Variants in TMEM248 observed in about 807,000 individuals in gnomAD.
The protein encoded by TMEM248 is UPF0458 protein C7orf42.
TMEM248 carries 9 observed loss-of-function variants against 30.3 expected under a neutral mutation model. The ratio of observed to expected loss-of-function variants is 0.30; its 90% CI spans 0.18 to 0.52. The LOEUF is 0.52. Ranked by LOEUF, TMEM248 falls within the 20% of genes least tolerant of loss-of-function variation. The pLI is 0.97. For missense variants in TMEM248, 338 were observed against 403.3 expected, an observed-to-expected ratio of 0.84 and a Z score of 1.39; for synonymous variants, 184 against 154.4, an observed-to-expected ratio of 1.19 and a Z score of -1.42.
At chr7:66,949,541 T>C (rs1467228621) in intron 4 of TMEM248, among the ~76,000 whole-genome samples, 1 of 152,206 alleles carries the variant, frequency 6.6e-6, no homozygotes, top group Non-Finnish European at 1.5e-5. Flanking sequence ...TATTTTAAAA[T>C]CGTTGATTTT....
Position 66,955,622 on chromosome 7 carries a change from C to A in TMEM248, c.*100C>A. The A allele has an allele frequency of 7.2e-7, 1 of 1,396,534 alleles. No homozygotes were observed. Among genetic ancestry groups the A allele is most frequent in the South Asian group, 1.2e-5 (1 of 81,804 alleles). 86.5% of individuals were successfully genotyped at this position (1,396,534 alleles called of 1,614,324 possible). On this transcript the variant is annotated 3_prime_UTR_variant, in exon 7 of 7. Transcript: ENST00000341567. ...GATGCTCTGTGAATACATTATCTTG[C>A]GATGTTGGGTTATTCCAGCCAAAGA...
At chr7:66,925,386 C>G (rs190354390) in intron 1 of TMEM248, among the ~76,000 whole-genome samples, 24 of 152,310 alleles carry the variant, frequency 1.6e-4, no homozygotes, top group Admixed American at 1.0e-3. Flanking sequence ...TTCCTTTTCT[C>G]TAACGGACTT....
intron 2 of TMEM248, 42 bp from the exon 3 acceptor site, chr7:66,944,934 C>A: frequency 6.2e-7 from 1 of 1,603,438 alleles, no homozygotes; most frequent in Non-Finnish European, 8.5e-7. Flanking sequence ...GGGAGACAGG[C>A]GCTGCTTAAC....
intron 1 of TMEM248, among the ~76,000 whole-genome samples, chr7:66,939,920 G>A (rs1046467330): frequency 2.0e-5 from 3 of 152,142 alleles, no homozygotes; most frequent in African/African-American, 7.2e-5. Context: ...ACCAGGGAAG[G>A]TGTGCTCTGA....
At chr7:66,923,932 CTGGGATTACAGGCG>C (rs1791456097) in intron 1 of TMEM248, among the ~76,000 whole-genome samples, 2 of 152,200 alleles carry the variant, frequency 1.3e-5, no homozygotes, top group African/African-American at 4.8e-5. Flanking sequence ...TCCCAATGTG[CTGGGATTACAGGCG>C]TGAGCCACCA....
At chr7:66,922,844 T>G (rs941549844) in intron 1 of TMEM248, among the ~76,000 whole-genome samples, 1 of 151,980 alleles carries the variant, frequency 6.6e-6, no homozygotes, top group Non-Finnish European at 1.5e-5. Context: ...TAGCTGGGAT[T>G]ACAGGTGCCC....
intron 1 of TMEM248, among the ~76,000 whole-genome samples, chr7:66,925,194 G>T (rs1791491296): frequency 6.6e-6 from 1 of 151,570 alleles, no homozygotes; most frequent in Non-Finnish European, 1.5e-5. Context: ...CTAATTTTTT[G>T]ATTTTTTGTA....
chr7:66,948,577 T>G lies in TMEM248; in HGVS notation c.479T>G (p.Phe160Cys). The change falls in exon 4 of 7, where the codon TTC (phenylalanine) becomes TGC (cysteine). Residue 160 changes from phenylalanine (F) to cysteine (C), a missense_variant. Phe to Cys is a radical substitution (Grantham distance 205). Transcript: ENST00000341567. ...GCCCACGAGGAGATAAACATCACCT[T>G]CACCCTGCCTACAGCGTGGAGCTCA... Reference protein sequence around the residue: ...REAHEEINITFTLPTAWSSDD... With the variant: ...REAHEEINITCTLPTAWSSDD... The G allele has an allele frequency of 1.2e-6, 2 of 1,614,050 alleles. No homozygotes were observed. The highest frequency in any genetic ancestry group is 1.7e-6 in the Non-Finnish European group (2 of 1,179,942).
rs781005802 is a variant in TMEM248, at chr7:66,955,525, C to G, written c.*3C>G. ...AGGTGGCTTTGGCTGAAGCCTAATT[C>G]CACAGCTCCTTGTTTTTTGAGAGAG... is the stretch of plus-strand genomic sequence containing the variant. On this transcript the variant is annotated 3_prime_UTR_variant, in exon 7 of 7. Coordinates refer to ENST00000341567, the MANE Select transcript of TMEM248 (RefSeq NM_017994.5). 5.6e-6 allele frequency: 9 copies of G among 1,614,102 alleles called. No homozygotes were observed. The South Asian group carries it at 9.9e-5, about 18-fold the overall frequency.
chr7:66,949,785 T>C (rs145634665), intron 4 of TMEM248, among the ~76,000 whole-genome samples: 140 of 151,838 alleles, frequency 9.2e-4, no homozygotes, highest in Non-Finnish European at 1.6e-3. Flanking sequence ...CATTCAGTGT[T>C]ACTGCTTTGC....
Position 66,945,116 on chromosome 7 carries a change from C to T in TMEM248, c.300C>T (p.Ser100=), listed in dbSNP as rs760013834. Residue 100 remains serine, a synonymous_variant, in exon 3 of 7, where the codon TCC becomes TCT. Coordinates refer to ENST00000341567, the MANE Select transcript of TMEM248 (RefSeq NM_017994.5). ...GGCAGGCCCGAGCTTCCACCCAGTCCCCCCAGGCCCTGGAGGACTCGGGCC... is the reference window on the plus strand; with the variant it reads ...GGCAGGCCCGAGCTTCCACCCAGTCTCCCCAGGCCCTGGAGGACTCGGGCC... ...TSGQARASTQ[S]PQALEDSGPV... 1 of 1,614,206 alleles carries T rather than the reference C, an allele frequency of 6.2e-7. No individual in the cohort carries two copies. The highest frequency in any genetic ancestry group is 8.5e-7 in the Non-Finnish European group (1 of 1,180,026).
Position 66,958,284 on chromosome 7 carries a change from A to T in TMEM248, c.*2762A>T, listed in dbSNP as rs1021205367. On this transcript the variant is annotated 3_prime_UTR_variant, in exon 7 of 7. Coordinates refer to ENST00000341567, the MANE Select transcript of TMEM248 (RefSeq NM_017994.5). The stretch of plus-strand genomic sequence containing the variant: ...TTTTGTCCTTTCACTGTATGACTTG[A>T]ATCAGTTTTGATTCTATTTGTAAGT... 2 of 152,654 alleles carry T rather than the reference A, an allele frequency of 1.3e-5. No individual in the cohort carries two copies. Among genetic ancestry groups the T allele is most frequent in the African/African-American group, 4.8e-5 (2 of 41,450 alleles). The allele number at this position is 152,654 out of a possible 1,614,324, so 9.5% of individuals were successfully genotyped here.
Position 66,948,696 on chromosome 7 carries a change from T to C in TMEM248, c.596+2T>C. ...CCCTGGGGTGTTCCCCGTCACTGTG[T>C]AAGTGTACCCGGCACCTGATGAACG... On this transcript the variant is annotated splice_donor_variant, in intron 4 of 6. Transcript: ENST00000341567. LOFTEE classifies it high-confidence loss of function. The C allele has an allele frequency of 6.2e-7, 1 of 1,602,244 alleles. No homozygotes were observed. The highest frequency in any genetic ancestry group is 8.5e-7 in the Non-Finnish European group (1 of 1,170,396).
intron 1 of TMEM248, chr7:66,930,633 T>G (rs1414405585): frequency 2.0e-5 from 3 of 152,458 alleles, no homozygotes; most frequent in African/African-American, 7.2e-5. Flanking sequence ...TGCACTGCTT[T>G]GCGGTGGGGC....
chr7:66,952,280 G>A (rs1162612511), intron 5 of TMEM248, among the ~76,000 whole-genome samples: 1 of 152,058 alleles, frequency 6.6e-6, no homozygotes, highest in Non-Finnish European at 1.5e-5. Context: ...CGACATGTTG[G>A]CCAGGTTGGT....
At chr7:66,931,018 G>C (rs1195807983) in intron 1 of TMEM248, 1 of 152,440 alleles carries the variant, frequency 6.6e-6, no homozygotes, top group Non-Finnish European at 1.5e-5. Flanking sequence ...AAGATGAATG[G>C]TGGGCCTGGT....
At chr7:66,950,615 T>G (rs1475155899) in intron 4 of TMEM248, among the ~76,000 whole-genome samples, 1 of 152,118 alleles carries the variant, frequency 6.6e-6, no homozygotes, top group Non-Finnish European at 1.5e-5. Context: ...ATACTAAGAG[T>G]TTAGCTCATT....
chr7:66,954,484 G>T (rs1381766999), intron 6 of TMEM248, among the ~76,000 whole-genome samples: 5 of 149,096 alleles, frequency 3.4e-5, no homozygotes, highest in African/African-American at 1.2e-4. Flanking sequence ...GTTCACTGCA[G>T]CCTTGACCTC....
intron 1 of TMEM248, among the ~76,000 whole-genome samples, chr7:66,936,744 A>T (rs1222242515): frequency 6.6e-6 from 1 of 152,154 alleles, no homozygotes; most frequent in Admixed American, 6.5e-5. Context: ...GCCGGTGTGC[A>T]GTTGCTCGTG....
Sources: allele counts gnomAD v4.1 joint callset (sites outside exome capture counted in the v4.1 genomes callset), GRCh38; gene constraint gnomAD v4.1.1; transcripts MANE v1.5; gene names NCBI Gene and HGNC (gene_info 2026-07-23, HGNC 2026-07-21).